The following MICAL2 variants were observed in gnomAD, a reference collection of about 807,000 sequenced individuals.
The protein encoded by MICAL2 is microtubule associated monooxygenase, calponin and LIM domain containing 2.
MICAL2 carries 77 observed loss-of-function variants against 127.3 expected under a neutral mutation model. That is an observed-to-expected ratio of 0.60 (90% confidence interval 0.50 to 0.73). MICAL2 has a LOEUF of 0.73. MICAL2 is among the 30% of genes least tolerant of loss of function. The pLI is 0.00. For synonymous variants in MICAL2, 570 were observed against 551.1 expected (o/e 1.03, Z -0.48); for missense variants, 1,351 against 1,434.4 (o/e 0.94, Z 0.94).
At chr11:12,236,789 A>G (rs910407738) in intron 16 of MICAL2, among the ~76,000 whole-genome samples, 5 of 152,208 alleles carry the variant, frequency 3.3e-5, no homozygotes, top group Non-Finnish European at 7.3e-5. Flanking sequence ...GATCAAGGGG[A>G]AAGAGTGTCA....
intron 1 of MICAL2, among the ~76,000 whole-genome samples, chr11:12,118,130 G>T (rs2133446317): frequency 6.6e-6 from 1 of 152,308 alleles, no homozygotes; most frequent in South Asian, 2.1e-4. Flanking sequence ...AGAAGGTCTT[G>T]CTTGGGCGTG....
At chr11:12,176,214 G>C (rs1856824799) in intron 3 of MICAL2, among the ~76,000 whole-genome samples, 1 of 152,092 alleles carries the variant, frequency 6.6e-6, no homozygotes, top group South Asian at 2.1e-4. Context: ...GGGCAGACTT[G>C]GCCATTCTGA....
At chr11:12,162,568 T>A in intron 3 of MICAL2, 149 bp downstream of exon 3, 1 of 1,108,410 alleles carries the variant, frequency 9.0e-7, no homozygotes, top group Non-Finnish European at 1.3e-6. Flanking sequence ...GTTTCCTTTG[T>A]CTCTAAGCAT....
chr11:12,198,068 G>A (rs1860173080), intron 3 of MICAL2, among the ~76,000 whole-genome samples: 2 of 152,188 alleles, frequency 1.3e-5, no homozygotes, highest in Non-Finnish European at 2.9e-5. Flanking sequence ...AGCAGCACTT[G>A]AAGTTCCCCT....
At chr11:12,244,382 G>C (rs1439780939) in intron 21 of MICAL2, among the ~76,000 whole-genome samples, 2 of 152,212 alleles carry the variant, frequency 1.3e-5, no homozygotes, top group Non-Finnish European at 2.9e-5. Context: ...CGTGCCAGAT[G>C]CTGAGAAAAC....
At chr11:12,193,967 C>T (rs1409033860) in intron 3 of MICAL2, among the ~76,000 whole-genome samples, 1 of 152,216 alleles carries the variant, frequency 6.6e-6, no homozygotes, top group Non-Finnish European at 1.5e-5. Flanking sequence ...ATGTGAGCAG[C>T]AATGCCATTT....
chr11:12,115,647 C>T (rs1312560681), intron 1 of MICAL2, among the ~76,000 whole-genome samples: 1 of 152,072 alleles, frequency 6.6e-6, no homozygotes. Context: ...CAAAATCTAA[C>T]AAAATTTTAA....
rs754787340 is a variant in MICAL2, at chr11:12,227,042, TA to T, written c.1907del (p.Tyr636LeufsTer40). On this transcript the variant is annotated frameshift_variant, in exon 15 of 28. Coordinates refer to ENST00000683283, the MANE Select transcript of MICAL2 (RefSeq NM_001282663.2). LOFTEE classifies it high-confidence loss of function. ...CCCAACAGATTCTTGGCGCAAAAAC[TA>T]TGGAGAAAATGCTGACCTCAGCTTG... is the stretch of plus-strand genomic sequence containing the variant. ...LRPVDSWRKNYGENADLSLAK... is the reference protein window; with the variant it reads ...LRPVDSWRKNXGENADLSLAK... 6.2e-7 allele frequency: 1 copy of T among 1,613,966 alleles called. No individual in the cohort carries two copies. Among genetic ancestry groups the T allele is most frequent in the Non-Finnish European group, 8.5e-7 (1 of 1,179,860 alleles).
At chr11:12,191,003 T>C (rs1462196622) in intron 3 of MICAL2, among the ~76,000 whole-genome samples, 3 of 152,178 alleles carry the variant, frequency 2.0e-5, no homozygotes, top group Non-Finnish European at 4.4e-5. Context: ...AAAGGTATGA[T>C]TTGATTTGAT....
intron 3 of MICAL2, chr11:12,195,818 G>GTA (rs1269923793): frequency 2.0e-5 from 3 of 151,888 alleles, no homozygotes; most frequent in Non-Finnish European, 4.4e-5. Flanking sequence ...AGTGAAGCTA[G>GTA]TACAGCTGGA....
chr11:12,161,648 G>GTAAT (rs1854810422), intron 2 of MICAL2: 1 of 158,118 alleles, frequency 6.3e-6, no homozygotes, highest in Non-Finnish European at 1.4e-5. Flanking sequence ...TAATGTGGCT[G>GTAAT]GGTTATATTC....
chr11:12,323,019 G>A (rs1864316667), intron 30 of MICAL2, among the ~76,000 whole-genome samples: 1 of 152,088 alleles, frequency 6.6e-6, no homozygotes, highest in Non-Finnish European at 1.5e-5. Context: ...AACTCAGCTG[G>A]GATTGGATGC....
At chr11:12,158,980 T>A (rs1190184031) in intron 2 of MICAL2, among the ~76,000 whole-genome samples, 1 of 152,208 alleles carries the variant, frequency 6.6e-6, no homozygotes, top group Non-Finnish European at 1.5e-5. Context: ...GGAAAGCCAG[T>A]TGTAAAGGGT....
intron 15 of MICAL2, among the ~76,000 whole-genome samples, chr11:12,233,013 C>A (rs991767169): frequency 6.6e-6 from 1 of 152,132 alleles, no homozygotes; most frequent in Non-Finnish European, 1.5e-5. Context: ...TGCTACCCAC[C>A]CATTAGTCAC....
At chr11:12,236,136 G>A (rs764187790) in intron 15 of MICAL2, 41 bp from the exon 16 acceptor site, 10 of 1,573,988 alleles carry the variant, frequency 6.4e-6, no homozygotes, top group Middle Eastern at 1.7e-4. Flanking sequence ...TGAAGCCCTT[G>A]GTGGCCCCCA....
intron 3 of MICAL2, among the ~76,000 whole-genome samples, chr11:12,198,027 CA>C: frequency 6.6e-6 from 1 of 152,312 alleles, no homozygotes; most frequent in Middle Eastern, 3.4e-3. Flanking sequence ...AGGGCCATGT[CA>C]AGTCAGATGA....
intron 33 of MICAL2, among the ~76,000 whole-genome samples, chr11:12,351,988 G>A (rs1055844117): frequency 1.1e-4 from 17 of 151,848 alleles, no homozygotes; most frequent in East Asian, 3.9e-4. Flanking sequence ...GGGTTTCACC[G>A]TGTTGACCAG....
At chr11:12,124,752 GC>G (rs1263961192) in intron 1 of MICAL2, among the ~76,000 whole-genome samples, 1 of 152,118 alleles carries the variant, frequency 6.6e-6, no homozygotes, top group Non-Finnish European at 1.5e-5. Flanking sequence ...CAATTGTTTG[GC>G]TGGAGTTGCA....
chr11:12,326,488 C>A (rs897769537), intron 31 of MICAL2, among the ~76,000 whole-genome samples: 11 of 152,098 alleles, frequency 7.2e-5, no homozygotes, highest in African/African-American at 2.7e-4. Context: ...CTATAATGAA[C>A]CTAAGGAGAG....
Sources: gnomAD v4.1 joint callset for allele counts (sites outside exome capture counted in the v4.1 genomes callset) on GRCh38, gnomAD v4.1.1 for gene constraint, MANE v1.5 for transcripts, NCBI Gene and HGNC (gene_info 2026-07-23, HGNC 2026-07-21) for gene names.